RCAN2: variants seen among roughly 807,000 people sequenced by gnomAD.
The protein encoded by RCAN2 is calcipressin-2.
Under a neutral mutation model 23.6 loss-of-function variants are expected in RCAN2, and 9 were observed. That is an observed-to-expected ratio of 0.38 (90% CI 0.23 to 0.67). RCAN2 has a LOEUF of 0.67. RCAN2 is among the 30% of genes least tolerant of loss of function. The pLI is 0.51. For synonymous variants in RCAN2, 109 were observed against 115.7 expected, an observed-to-expected ratio of 0.94 and a Z score of 0.37; for missense variants, 273 against 302.3, an observed-to-expected ratio of 0.90 and a Z score of 0.72.
intron 2 of RCAN2, among the ~76,000 whole-genome samples, chr6:46,327,912 G>A (rs1309088889): frequency 6.6e-6 from 1 of 152,156 alleles, no homozygotes; most frequent in Non-Finnish European, 1.5e-5. Flanking sequence ...TCATGAAAAC[G>A]TTATGCCATA....
At chr6:46,470,571 GAC>G (rs1768531058) in intron 1 of RCAN2, among the ~76,000 whole-genome samples, 1 of 152,104 alleles carries the variant, frequency 6.6e-6, no homozygotes, top group Non-Finnish European at 1.5e-5. Context: ...AGATGTCAGT[GAC>G]ACATACAAAA....
intron 4 of RCAN2, among the ~76,000 whole-genome samples, chr6:46,228,736 C>T (rs1186174869): frequency 6.6e-6 from 1 of 152,138 alleles, no homozygotes; most frequent in Non-Finnish European, 1.5e-5. Flanking sequence ...TCCAATTTGC[C>T]AGTCTGTGTC....
intron 2 of RCAN2, among the ~76,000 whole-genome samples, chr6:46,408,436 A>G (rs1057370840): frequency 2.0e-5 from 3 of 152,188 alleles, no homozygotes; most frequent in African/African-American, 4.8e-5. Context: ...ACTTCTCTAT[A>G]TTGCAAAAGA....
chr6:46,352,110 GGGCTAA>G (rs1349188183), intron 2 of RCAN2, among the ~76,000 whole-genome samples: 1 of 152,148 alleles, frequency 6.6e-6, no homozygotes, highest in Non-Finnish European at 1.5e-5. Flanking sequence ...ATTCCCCAGT[GGGCTAA>G]GGACATTCTA....
At chr6:46,276,368 A>G (rs948481741) in intron 2 of RCAN2, among the ~76,000 whole-genome samples, 11 of 152,192 alleles carry the variant, frequency 7.2e-5, no homozygotes, top group African/African-American at 2.4e-4. Flanking sequence ...CCACGACACA[A>G]GCTCTGAGGA....
chr6:46,353,957 T>C (rs1403254663), intron 2 of RCAN2, among the ~76,000 whole-genome samples: 1 of 152,212 alleles, frequency 6.6e-6, no homozygotes, highest in Non-Finnish European at 1.5e-5. Flanking sequence ...ATATGGACTT[T>C]AATTCTGGGA....
intron 2 of RCAN2, among the ~76,000 whole-genome samples, chr6:46,396,190 G>A (rs1284453519): frequency 6.6e-6 from 1 of 151,940 alleles, no homozygotes; most frequent in East Asian, 1.9e-4. Flanking sequence ...CTGAATCTTG[G>A]TTACAATTTT....
rs1582223738 is a variant in RCAN2 at position 46,464,183 on chromosome 6, G to T, written c.-2-7205C>A. On this transcript the variant is annotated intron_variant, in intron 1 of 4. Transcript: ENST00000371374. ...TGCAGCATTAATAAGTAATAGAAAA[G>T]AAATGCCTATATTTTTCAATTGAAT... Among the ~76,000 whole-genome samples the T allele has an allele frequency of 2.0e-5, 3 of 152,180 alleles. No individual in the cohort carries two copies. The South Asian group carries it at 6.2e-4, about 31-fold the overall frequency.
At chr6:46,390,350 A>G (rs1213199014) in intron 2 of RCAN2, among the ~76,000 whole-genome samples, 1 of 152,220 alleles carries the variant, frequency 6.6e-6, no homozygotes, top group Non-Finnish European at 1.5e-5. Context: ...TGGAATGCCA[A>G]ATATACCATG....
At chr6:46,337,631 C>T (rs1041107514) in intron 2 of RCAN2, among the ~76,000 whole-genome samples, 3 of 152,202 alleles carry the variant, frequency 2.0e-5, no homozygotes, top group Non-Finnish European at 4.4e-5. Flanking sequence ...CCCCACTCAC[C>T]TTTCATCGTA....
At chr6:46,464,913 CAA>C (rs5875967) in intron 1 of RCAN2, among the ~76,000 whole-genome samples, 65,588 of 139,784 alleles carry the variant, frequency 0.47, 14,872 homozygotes, top group East Asian at 0.62. Context: ...TTATGAAGTG[CAA>C]AAAAAAAAAA....
intron 2 of RCAN2, among the ~76,000 whole-genome samples, chr6:46,450,930 C>T (rs540421759): frequency 1.4e-4 from 21 of 151,788 alleles, no homozygotes; most frequent in African/African-American, 4.3e-4. Context: ...ATTCTCCCCA[C>T]GAAAAAGTAA....
chr6:46,271,193 G>C (rs935108), intron 2 of RCAN2, among the ~76,000 whole-genome samples: 119,024 of 152,150 alleles, frequency 0.78, 46,880 homozygotes, highest in Non-Finnish European at 0.83. Context: ...GAGAGAAAGA[G>C]ATTTATTCTA....
intron 1 of RCAN2, among the ~76,000 whole-genome samples, chr6:46,472,842 CAGTCTGGGAAAGAG>C (rs1407676462): frequency 2.6e-5 from 4 of 152,140 alleles, no homozygotes; most frequent in Non-Finnish European, 5.9e-5. Flanking sequence ...TTAAGCCAGT[CAGTCTGGGAAAGAG>C]AGTACAGGAA....
rs376438205 is a variant in RCAN2, at chr6:46,360,515, C to A, written c.225+96237G>T. 1.6e-4 allele frequency among the ~76,000 whole-genome samples: 17 copies of A among 106,630 alleles called. No homozygotes were observed. In the East Asian group the frequency reaches 5.3e-3, roughly 33 times the overall value. 70.0% of individuals were successfully genotyped at this position (106,630 alleles called of 152,430 possible). A position where few individuals can be genotyped will look rare whatever the true frequency, so the allele number is the denominator to read the frequency against. On this transcript the variant is annotated intron_variant, in intron 2 of 4. Transcript: ENST00000371374. The stretch of plus-strand genomic sequence containing the variant: ...TGCCACTACACTCCAGCCTGGGCGA[C>A]AGAGCAAGACTCCGTCTCAAAAAAA...
intron 1 of RCAN2, among the ~76,000 whole-genome samples, chr6:46,469,876 C>G (rs1768508903): frequency 6.6e-6 from 1 of 152,086 alleles, no homozygotes; most frequent in African/African-American, 2.4e-5. Context: ...AGCTAGCTTG[C>G]CCTTTGGCCA....
chr6:46,415,964 C>T (rs1766703807), intron 2 of RCAN2, among the ~76,000 whole-genome samples: 1 of 152,088 alleles, frequency 6.6e-6, no homozygotes, highest in African/African-American at 2.4e-5. Context: ...CTGTAGATTA[C>T]TTATAATACT....
chr6:46,364,576 A>G (rs1001908297), intron 2 of RCAN2, among the ~76,000 whole-genome samples: 1 of 152,142 alleles, frequency 6.6e-6, no homozygotes, highest in Non-Finnish European at 1.5e-5. Flanking sequence ...TTAGCCTCAC[A>G]CAGCTTGGCC....
chr6:46,237,292 C>T (rs1352418141), intron 4 of RCAN2, among the ~76,000 whole-genome samples: 3 of 152,148 alleles, frequency 2.0e-5, no homozygotes, highest in South Asian at 4.1e-4. Context: ...CAATGAATCT[C>T]CTCAAAAGAC....
Sources: gnomAD v4.1 joint callset for allele counts (sites outside exome capture counted in the v4.1 genomes callset) on GRCh38, gnomAD v4.1.1 for gene constraint, MANE v1.5 for transcripts, NCBI Gene and HGNC (gene_info 2026-07-23, HGNC 2026-07-21) for gene names.